STXBP5L: variants seen among roughly 807,000 people sequenced by gnomAD.
STXBP5L encodes the protein syntaxin-binding protein 5-like.
Under a neutral mutation model 144.5 loss-of-function variants are expected in STXBP5L, and 65 were observed. The observed-to-expected ratio is 0.45, with a 90% CI of 0.37 to 0.55. The LOEUF is 0.55. Ranked by LOEUF, STXBP5L falls within the 20% of genes least tolerant of loss-of-function variation. STXBP5L has a pLI of 0.00. For missense variants in STXBP5L, 1,298 were observed against 1,405.5 expected, an observed-to-expected ratio of 0.92 and a Z score of 1.22; for synonymous variants, 505 against 469.6, an observed-to-expected ratio of 1.08 and a Z score of -0.97.
intron 9 of STXBP5L, among the ~76,000 whole-genome samples, chr3:121,182,713 G>T (rs1267124931): frequency 6.6e-6 from 1 of 152,084 alleles, no homozygotes; most frequent in East Asian, 1.9e-4. Flanking sequence ...CAAAAAGCTG[G>T]TTCTTTGAAA....
rs184371056 is a variant in STXBP5L, at chr3:121,353,921, G to T, written c.2177-24795G>T. 2.5e-3 allele frequency among the ~76,000 whole-genome samples: 375 copies of T among 152,250 alleles called. 2 individuals carry two copies. The highest frequency in any genetic ancestry group is 8.1e-3 in the African/African-American group (337 of 41,556). ...GGTTTCAAAGAACATCTTTATTTCT[G>T]CCTTCAATTCGTTATTTACCCAGTA... On this transcript the variant is annotated intron_variant, in intron 20 of 26. Transcript: ENST00000471454.
chr3:121,082,937 G>C (rs538128411), intron 5 of STXBP5L, among the ~76,000 whole-genome samples: 2 of 152,170 alleles, frequency 1.3e-5, no homozygotes, highest in Admixed American at 6.5e-5. Context: ...GGTGGCTCAT[G>C]CCTGTAATCC....
chr3:121,037,664 G>C (rs1047698801), intron 3 of STXBP5L, among the ~76,000 whole-genome samples: 2 of 152,034 alleles, frequency 1.3e-5, no homozygotes, highest in Non-Finnish European at 2.9e-5. Context: ...TAGAGTAAAA[G>C]TATTTTTATA....
intron 2 of STXBP5L, among the ~76,000 whole-genome samples, chr3:120,935,757 T>C (rs917474303): frequency 6.6e-6 from 1 of 151,766 alleles, no homozygotes; most frequent in Non-Finnish European, 1.5e-5. Flanking sequence ...AAGTCCTCAA[T>C]AGATAAAGTT....
chr3:120,975,671 G>A (rs1302320952), intron 3 of STXBP5L, among the ~76,000 whole-genome samples: 2 of 152,138 alleles, frequency 1.3e-5, no homozygotes, highest in Non-Finnish European at 2.9e-5. Flanking sequence ...TACGATATTG[G>A]CTGTAGGTTT....
rs775431997 is a variant in STXBP5L at position 121,282,312 on chromosome 3, G to A, written c.2110+2356G>A. ...TGTCTAACTTTTATCCTGATTTAAC[G>A]AAACGGATCCGTACTTCCTATCAGA... On this transcript the variant is annotated intron_variant, in intron 19 of 26. Coordinates refer to ENST00000471454, the MANE Select transcript of STXBP5L (RefSeq NM_001308330.2). 8.1e-6 allele frequency: 13 copies of A among 1,611,248 alleles called. No individual in the cohort carries two copies. In the Admixed American group the frequency reaches 8.4e-5, roughly 10 times the overall value.
chr3:120,999,089 C>G (rs685914), intron 3 of STXBP5L, among the ~76,000 whole-genome samples: 78,331 of 151,950 alleles, frequency 0.52, 20,632 homozygotes, highest in Admixed American at 0.6. Flanking sequence ...GTCTCATTCT[C>G]TCACCCAGGC....
chr3:121,187,750 T>G (rs2047457783), intron 9 of STXBP5L, among the ~76,000 whole-genome samples: 1 of 151,808 alleles, frequency 6.6e-6, no homozygotes, highest in Non-Finnish European at 1.5e-5. Flanking sequence ...GTCTGGCAAA[T>G]TGGATAAAGA....
chr3:121,401,864 T>C, intron 22 of STXBP5L, among the ~76,000 whole-genome samples: 1 of 127,610 alleles, frequency 7.8e-6, no homozygotes, highest in Non-Finnish European at 1.6e-5. Flanking sequence ...CTGCACAATG[T>C]GCACATGTAC....
intron 23 of STXBP5L, 154 bp downstream of exon 23, chr3:121,407,757 A>G: frequency 8.9e-7 from 1 of 1,123,426 alleles, no homozygotes. Flanking sequence ...CAACGATTTG[A>G]TGAGAGTTTG....
At chr3:120,990,675 G>A (rs925448370) in intron 3 of STXBP5L, among the ~76,000 whole-genome samples, 24 of 152,150 alleles carry the variant, frequency 1.6e-4, no homozygotes, top group Middle Eastern at 3.4e-3. Flanking sequence ...AAATAATGCC[G>A]GATATTTACA....
intron 5 of STXBP5L, among the ~76,000 whole-genome samples, chr3:121,102,770 C>T (rs2043496505): frequency 6.6e-6 from 1 of 151,810 alleles, no homozygotes. Context: ...AGATATACTA[C>T]AGAATGGTAG....
At chr3:121,244,467 C>G (rs9837611) in intron 14 of STXBP5L, among the ~76,000 whole-genome samples, 4 of 149,402 alleles carry the variant, frequency 2.7e-5, no homozygotes, top group Admixed American at 6.7e-5. Flanking sequence ...GAGAGAGAGA[C>G]AGAGAGAGAG....
intron 9 of STXBP5L, among the ~76,000 whole-genome samples, chr3:121,176,638 A>G (rs1350106531): frequency 6.6e-6 from 1 of 151,892 alleles, no homozygotes; most frequent in Non-Finnish European, 1.5e-5. Flanking sequence ...GGAAATATGA[A>G]ATAAAAATCA....
intron 7 of STXBP5L, among the ~76,000 whole-genome samples, chr3:121,142,859 T>C (rs1294753847): frequency 1.3e-5 from 2 of 151,170 alleles, no homozygotes; most frequent in African/African-American, 4.9e-5. Flanking sequence ...TAAGCACAAA[T>C]GTAGTGGAAG....
At chr3:121,161,319 G>A (rs750172446) in intron 9 of STXBP5L, among the ~76,000 whole-genome samples, 1 of 150,992 alleles carries the variant, frequency 6.6e-6, no homozygotes, top group East Asian at 1.9e-4. Flanking sequence ...GTGTGGGCAT[G>A]TGTGTTTTGG....
At chr3:121,332,075 A>AG (rs1461023717) in intron 20 of STXBP5L, among the ~76,000 whole-genome samples, 2 of 151,964 alleles carry the variant, frequency 1.3e-5, no homozygotes, top group East Asian at 1.9e-4. Flanking sequence ...AGACAAAAAA[A>AG]AAAAGAAATT....
chr3:121,369,557 G>C (rs147056462), intron 20 of STXBP5L, among the ~76,000 whole-genome samples: 3 of 150,322 alleles, frequency 2.0e-5, no homozygotes, highest in African/African-American at 7.4e-5. Context: ...TGGTGGTGTC[G>C]TGGTTCTTTG....
At chr3:121,375,743 T>C (rs1010250921) in intron 20 of STXBP5L, among the ~76,000 whole-genome samples, 12 of 152,150 alleles carry the variant, frequency 7.9e-5, no homozygotes, top group Non-Finnish European at 1.5e-4. Context: ...AATGTACAAT[T>C]ATACCTTTTC....
Sources: allele counts gnomAD v4.1 joint callset (sites outside exome capture counted in the v4.1 genomes callset), GRCh38; gene constraint gnomAD v4.1.1; transcripts MANE v1.5; gene names NCBI Gene and HGNC (gene_info 2026-07-23, HGNC 2026-07-21).